GSK3B: variants seen among roughly 807,000 people sequenced by gnomAD.
GSK3B encodes glycogen synthase kinase 3 beta, also known as glycogen synthase kinase-3 beta.
A neutral mutation model predicts 56.4 loss-of-function variants in GSK3B; 15 were observed. The ratio of observed to expected loss-of-function variants is 0.27; its 90% CI spans 0.18 to 0.41. GSK3B has a LOEUF of 0.41. GSK3B is among the 10% of genes least tolerant of loss of function. GSK3B has a pLI of 1.00. For synonymous variants in GSK3B, 181 were observed against 188.9 expected (o/e 0.96, Z 0.34); for missense variants, 300 against 513.4 (o/e 0.58, Z 4.02).
intron 3 of GSK3B, among the ~76,000 whole-genome samples, chr3:119,942,155 G>A (rs768199800): frequency 6.6e-6 from 1 of 151,960 alleles, no homozygotes; most frequent in Non-Finnish European, 1.5e-5. Flanking sequence ...GAGGTTTTTC[G>A]CTTTATTATT....
At chr3:119,955,234 TAAA>T (rs543229359) in intron 2 of GSK3B, among the ~76,000 whole-genome samples, 1 of 126,594 alleles carries the variant, frequency 7.9e-6, no homozygotes, top group Admixed American at 8.2e-5. Context: ...AACCAACAGC[TAAA>T]AAAAAAAAAA....
At chr3:119,902,306 T>C (rs1483139791) in intron 7 of GSK3B, among the ~76,000 whole-genome samples, 2 of 152,108 alleles carry the variant, frequency 1.3e-5, no homozygotes, top group Non-Finnish European at 2.9e-5. Context: ...CTCATATATA[T>C]TTAACATTTG....
In GSK3B at chr3:119,823,162, A is replaced by G. The variant is rs2055440210; in HGVS notation, c.*3626T>C. 1 of 229,788 alleles carries G rather than the reference A, an allele frequency of 4.4e-6. No individual in the cohort carries two copies. The highest frequency in any genetic ancestry group is 8.6e-6 in the Non-Finnish European group (1 of 115,854). The allele number at this position is 229,788 out of a possible 1,614,324, so 14.2% of individuals were successfully genotyped here. A position where few individuals can be genotyped will look rare whatever the true frequency, so the allele number is the denominator to read the frequency against. ...CTTTGGTTTGGTAGTTTTTTCTTCT[A>G]TTCAAGACATTTTATATGGACTACT... On this transcript the variant is annotated 3_prime_UTR_variant, in exon 11 of 11. Transcript: ENST00000264235.
At chr3:119,901,874 T>C (rs1026950960) in intron 7 of GSK3B, among the ~76,000 whole-genome samples, 2 of 152,228 alleles carry the variant, frequency 1.3e-5, no homozygotes, top group Non-Finnish European at 2.9e-5. Flanking sequence ...GCTTATTATA[T>C]GATTATCCAC....
chr3:119,980,674 T>C (rs1036591128), intron 2 of GSK3B, among the ~76,000 whole-genome samples: 2 of 152,170 alleles, frequency 1.3e-5, no homozygotes, highest in Admixed American at 6.5e-5. Flanking sequence ...TTTTAATAAA[T>C]GAAATATTAA....
chr3:119,958,069 G>A (rs1365854978), intron 2 of GSK3B, among the ~76,000 whole-genome samples: 1 of 152,028 alleles, frequency 6.6e-6, no homozygotes, highest in Admixed American at 6.6e-5. Context: ...TGGGAGAGAT[G>A]GTTTCCCCCA....
In GSK3B at chr3:119,995,970, T is replaced by C. The variant is rs545079717; in HGVS notation, c.282+6076A>G. Among the ~76,000 whole-genome samples the C allele has an allele frequency of 3.3e-5, 5 of 151,572 alleles. No homozygotes were observed. In the South Asian group the frequency reaches 1.0e-3, roughly 32 times the overall value. The stretch of plus-strand genomic sequence containing the variant: ...CCAGGCTGGTCTCAAACTCCTGACC[T>C]CAAGTGATCCTCCTGCCTCAGCCTC... On this transcript the variant is annotated intron_variant, in intron 2 of 10. Transcript: ENST00000264235.
intron 1 of GSK3B, among the ~76,000 whole-genome samples, chr3:120,053,072 C>T (rs1462004099): frequency 1.3e-5 from 2 of 152,188 alleles, no homozygotes; most frequent in Non-Finnish European, 2.9e-5. Flanking sequence ...GCATGGTGCT[C>T]ATGCCTGTAA....
chr3:119,995,090 C>CCTT (rs1248081711), intron 2 of GSK3B, among the ~76,000 whole-genome samples: 1 of 151,188 alleles, frequency 6.6e-6, no homozygotes, highest in Non-Finnish European at 1.5e-5. Context: ...CTTTAGAAGG[C>CCTT]CAAGGCAGGA....
intron 3 of GSK3B, among the ~76,000 whole-genome samples, chr3:119,926,328 CCA>C (rs146771538): frequency 0.24 from 35,782 of 146,444 alleles, 4,586 homozygotes; most frequent in East Asian, 0.48. Context: ...TCTTACACTT[CCA>C]CACACACACA....
intron 9 of GSK3B, among the ~76,000 whole-genome samples, chr3:119,847,131 C>G (rs548430798): frequency 4.0e-5 from 6 of 151,536 alleles, no homozygotes; most frequent in Non-Finnish European, 8.8e-5. Context: ...ATACCAGGGC[C>G]TGTTGCGGGG....
chr3:119,876,697 A>G (rs2056318481), intron 7 of GSK3B, among the ~76,000 whole-genome samples, 189 bp from the exon 8 acceptor site: 1 of 152,186 alleles, frequency 6.6e-6, no homozygotes, highest in Non-Finnish European at 1.5e-5. Context: ...TTAATACCCA[A>G]TTCAACAGTG....
intron 4 of GSK3B, among the ~76,000 whole-genome samples, chr3:119,921,193 A>C (rs1244253131): frequency 6.6e-6 from 1 of 152,196 alleles, no homozygotes; most frequent in African/African-American, 2.4e-5. Context: ...GACTATTATA[A>C]ATTTTCGTAA....
In GSK3B at chr3:120,093,959, G is replaced by A. The variant is rs1029565139; in HGVS notation, c.-525C>T. The A allele has an allele frequency of 6.7e-5, 14 of 209,798 alleles. No homozygotes were observed. The Middle Eastern group carries it at 4.7e-3, about 70-fold the overall frequency. 13.0% of individuals were successfully genotyped at this position (209,798 alleles called of 1,614,324 possible). ...ATGCGACGGGAAACGCTGCAGCTCC[G>A]GCAAGCCGCGGGATCCGGCGGGCTG... On this transcript the variant is annotated 5_prime_UTR_variant, in exon 1 of 11. Transcript: ENST00000264235.
At chr3:119,999,124 CAAT>C (rs1163622744) in intron 2 of GSK3B, among the ~76,000 whole-genome samples, 3 of 152,082 alleles carry the variant, frequency 2.0e-5, no homozygotes, top group Non-Finnish European at 4.4e-5. Flanking sequence ...TATATCCACA[CAAT>C]AAAATATAAT....
At chr3:119,888,529 C>T (rs1041512437) in intron 7 of GSK3B, among the ~76,000 whole-genome samples, 3 of 152,046 alleles carry the variant, frequency 2.0e-5, no homozygotes, top group Non-Finnish European at 2.9e-5. Flanking sequence ...TGAGGATGTA[C>T]GTCACCTCAG....
intron 10 of GSK3B, among the ~76,000 whole-genome samples, chr3:119,833,694 T>TA (rs1356593419): frequency 4.1e-5 from 6 of 144,598 alleles, no homozygotes; most frequent in Admixed American, 6.8e-5. Context: ...TAGGTTGTTT[T>TA]TTTTTTTTTT....
chr3:119,947,180 A>G (rs2057108852), intron 3 of GSK3B, 88 bp downstream of exon 3: 1 of 814,594 alleles, frequency 1.2e-6, no homozygotes, highest in African/African-American at 1.7e-5. Context: ...TCCATTAGCA[A>G]AACTGTCTAT....
At chr3:119,938,792 C>T (rs1374600146) in intron 3 of GSK3B, among the ~76,000 whole-genome samples, 1 of 151,788 alleles carries the variant, frequency 6.6e-6, no homozygotes. Context: ...TCTTAATATA[C>T]TTCAAAAAAC....
Sources: allele counts gnomAD v4.1 joint callset (sites outside exome capture counted in the v4.1 genomes callset), GRCh38; gene constraint gnomAD v4.1.1; transcripts MANE v1.5; gene names NCBI Gene and HGNC (gene_info 2026-07-23, HGNC 2026-07-21).